NEB: variants seen among roughly 807,000 people sequenced by gnomAD.
NEB encodes nemaline myopathy type 2.
In NEB, 512 loss-of-function variants were observed where a neutral mutation model predicts 952.2. The ratio of observed to expected loss-of-function variants is 0.54; its 90% CI spans 0.50 to 0.58. NEB has a LOEUF of 0.58. Among genes scored for constraint, NEB ranks in the 20% least tolerant of loss-of-function variants. The probability of loss-of-function intolerance (pLI) is 0.00; values close to 1 mark genes in which losing one functional copy is unlikely to be tolerated. For missense variants in NEB, 8,428 were observed against 9,231.1 expected, an observed-to-expected ratio of 0.91 and a Z score of 3.56; for synonymous variants, 2,900 against 3,149.8, an observed-to-expected ratio of 0.92 and a Z score of 2.66.
intron 40 of NEB, among the ~76,000 whole-genome samples, chr2:151,666,925 A>T (rs991490813): frequency 6.6e-6 from 1 of 152,124 alleles, no homozygotes; most frequent in African/African-American, 2.4e-5. Flanking sequence ...ACGTATTTGT[A>T]TGAGTAAATT....
chr2:151,511,975 C>CT lies in NEB; in HGVS notation c.23346+757dup, dbSNP rs943360844. 5.7e-4 allele frequency among the ~76,000 whole-genome samples: 84 copies of CT among 146,320 alleles called. 1 individual carries two copies. The highest frequency in any genetic ancestry group is 2.0e-3 in the African/African-American group (80 of 39,486). Reference sequence around the variant, plus strand: ...TGTTCTTCAGTACCTTAAAAGAGTTCTTCACTACCTTAAAATTCCTGCATC... The same window carrying CT: ...TGTTCTTCAGTACCTTAAAAGAGTTCTTTCACTACCTTAAAATTCCTGCATC... On this transcript the variant is annotated intron_variant, in intron 161 of 181. Coordinates refer to ENST00000397345, the MANE Select transcript of NEB (RefSeq NM_001164508.2).
intron 18 of NEB, among the ~76,000 whole-genome samples, chr2:151,695,324 C>T (rs1390546080): frequency 4.6e-5 from 7 of 152,056 alleles, no homozygotes; most frequent in African/African-American, 9.7e-5. Flanking sequence ...ATACATGAGA[C>T]GTAGCATTCT....
intron 107 of NEB, among the ~76,000 whole-genome samples, chr2:151,572,861 T>C (rs2096688521): frequency 6.8e-6 from 1 of 147,684 alleles, no homozygotes; most frequent in Non-Finnish European, 1.5e-5. Flanking sequence ...AGTATGTATA[T>C]ATTTTTAACT....
rs370068571 is a variant in NEB, at chr2:151,610,077, A to T, written c.12062T>A (p.Ile4021Asn). ...ATCATCTTCAATGCTCTGGGCTCCA[A>T]TGTGGTGGCCTTTCTGTTTCTCATA... ...EAYEKQKGHH[I>N]GAQSIEDDPK... is the part of the protein sequence containing the mutation. Residue 4021 changes from isoleucine to asparagine, a missense_variant, in exon 81 of 182, where the codon ATT becomes AAT. Physicochemically the swap from Ile to Asn is moderately radical, Grantham distance 149. Coordinates refer to ENST00000397345, the MANE Select transcript of NEB (RefSeq NM_001164508.2). The T allele has an allele frequency of 1.9e-6, 3 of 1,613,726 alleles. No individual in the cohort carries two copies. The South Asian group carries it at 3.3e-5, about 18-fold the overall frequency.
At chr2:151,612,117 A>C in intron 78 of NEB, 69 bp downstream of exon 78, 1 of 1,511,926 alleles carries the variant, frequency 6.6e-7, no homozygotes, top group Non-Finnish European at 9.1e-7. Flanking sequence ...TCCTTAGGGA[A>C]TTTCCTACTT....
Position 151,561,086 on chromosome 2 carries a change from T to A in NEB, c.19124A>T (p.His6375Leu). ...TGTTGTGTATTTGTCCTTAATCTGA[T>A]GATAATTTTCTTTATATTTTACCTG... ...ASEVKYKENY[H>L]QIKDKYTTVL... Residue 6375 changes from histidine (H) to leucine (L), a missense_variant, in exon 123 of 182, where the codon CAT becomes CTT. Transcript: ENST00000397345. The A allele has an allele frequency of 6.3e-7, 1 of 1,596,256 alleles. No homozygotes were observed. The highest frequency in any genetic ancestry group is 8.5e-7 in the Non-Finnish European group (1 of 1,169,636).
At chr2:151,643,754 G>C in intron 57 of NEB, 64 bp downstream of exon 57, 2 of 1,575,134 alleles carry the variant, frequency 1.3e-6, no homozygotes, top group Non-Finnish European at 1.7e-6. Flanking sequence ...GCTCACTATG[G>C]GACTCTGATA....
At chr2:151,644,432 C>T (rs1327000533) in intron 56 of NEB, 36 bp downstream of exon 56, 2 of 1,536,750 alleles carry the variant, frequency 1.3e-6, no homozygotes, top group Non-Finnish European at 9.0e-7. Flanking sequence ...TGATAAATTG[C>T]AATCAAATCA....
Position 151,621,648 on chromosome 2 carries a change from G to A in NEB, c.10453-622C>T, listed in dbSNP as rs2098418584. Reference sequence around the variant, plus strand: ...AAAGCACCACCACTGTTCAATTTCTGTGGCAGGACAGACATGCACAGAAGA... The same window carrying A: ...AAAGCACCACCACTGTTCAATTTCTATGGCAGGACAGACATGCACAGAAGA... On this transcript the variant is annotated intron_variant, in intron 71 of 181. Coordinates refer to ENST00000397345, the MANE Select transcript of NEB (RefSeq NM_001164508.2). Among the ~76,000 whole-genome samples, 3 of 152,282 alleles carry A rather than the reference G, an allele frequency of 2.0e-5. No individual in the cohort carries two copies. In the South Asian group the frequency reaches 6.2e-4, roughly 32 times the overall value.
chr2:151,726,118 T>C (rs1202851785), intron 5 of NEB, among the ~76,000 whole-genome samples: 1 of 152,198 alleles, frequency 6.6e-6, no homozygotes, highest in Non-Finnish European at 1.5e-5. Context: ...TATAAATGTT[T>C]TGGGAGTACT....
chr2:151,577,636 A>T (rs752520601), intron 105 of NEB, among the ~76,000 whole-genome samples: 27 of 152,160 alleles, frequency 1.8e-4, no homozygotes, highest in Non-Finnish European at 3.5e-4. Flanking sequence ...GCTGGAGTGC[A>T]GTGGCAATCT....
chr2:151,550,266 CAAAAAAAAAA>C (rs57057802), intron 129 of NEB, among the ~76,000 whole-genome samples: 26 of 73,374 alleles, frequency 3.5e-4, no homozygotes, highest in Admixed American at 1.5e-3. Flanking sequence ...ACCCTGTCTC[CAAAAAAAAAA>C]AAAAAAAAAA....
intron 116 of NEB, 113 bp from the exon 117 acceptor site, chr2:151,565,261 G>C: frequency 1.4e-6 from 1 of 695,944 alleles, no homozygotes; most frequent in South Asian, 2.1e-5. Flanking sequence ...CCAACTGGTT[G>C]AATTTTAGCC....
In NEB at chr2:151,706,735, T is replaced by C. The variant is rs190350909; in HGVS notation, c.1152+146A>G. The C allele has an allele frequency of 2.6e-3, 1,681 of 643,258 alleles. 5 individuals carry two copies. The highest frequency in any genetic ancestry group is 4.0e-3 in the Non-Finnish European group (1,484 of 368,946). The allele number at this position is 643,258 out of a possible 1,614,324, so 39.8% of individuals were successfully genotyped here. ...TTGTACTCAGAGGGACTCATGCCTT[T>C]CTGTGGTTACATAGTTCCAATGAAC... On this transcript the variant is annotated intron_variant, in intron 13 of 181. Transcript: ENST00000397345.
chr2:151,515,679 A>G (rs1035260800), intron 157 of NEB, among the ~76,000 whole-genome samples: 10 of 152,162 alleles, frequency 6.6e-5, no homozygotes, highest in African/African-American at 2.4e-4. Flanking sequence ...TACTTTTGTA[A>G]TTTTGTTATT....
At chr2:151,724,763 G>C (rs936084383) in intron 7 of NEB, 94 bp downstream of exon 7, 5 of 960,476 alleles carry the variant, frequency 5.2e-6, no homozygotes, top group Non-Finnish European at 6.4e-6. Flanking sequence ...AGGCTGGTGG[G>C]CAGGATCAGG....
chr2:151,695,260 T>C (rs1452860901), intron 18 of NEB, among the ~76,000 whole-genome samples: 2 of 152,192 alleles, frequency 1.3e-5, no homozygotes, highest in African/African-American at 4.8e-5. Context: ...GAATTATATA[T>C]AATTTAAATG....
chr2:151,695,439 G>A (rs1392041834), intron 18 of NEB, 139 bp downstream of exon 18: 4 of 676,480 alleles, frequency 5.9e-6, no homozygotes, highest in Non-Finnish European at 1.0e-5. Flanking sequence ...TACTGGCAGA[G>A]GCATAGCAAC....
At chr2:151,528,193 G>A (rs887898815) in intron 146 of NEB, among the ~76,000 whole-genome samples, 1 of 152,140 alleles carries the variant, frequency 6.6e-6, no homozygotes, top group Non-Finnish European at 1.5e-5. Context: ...CTTCAGGGCT[G>A]GAGAACTGGC....
Sources: allele counts gnomAD v4.1 joint callset (sites outside exome capture counted in the v4.1 genomes callset), GRCh38; gene constraint gnomAD v4.1.1; transcripts MANE v1.5; gene names NCBI Gene and HGNC (gene_info 2026-07-23, HGNC 2026-07-21).